Variants in FHIT observed in about 807,000 individuals in gnomAD.
FHIT encodes fragile histidine triad diadenosine triphosphatase.
In FHIT, 19 loss-of-function variants were observed where a neutral mutation model predicts 17.9. The ratio of observed to expected loss-of-function variants is 1.06; its 90% CI spans 0.74 to 1.56. The LOEUF is 1.56. Among genes scored for constraint, FHIT ranks in the 40% most tolerant of loss-of-function variants. The probability of loss-of-function intolerance (pLI) is 0.00; values close to 1 mark genes in which losing one functional copy is unlikely to be tolerated. For missense variants in FHIT, 248 were observed against 189.2 expected (o/e 1.31, Z -1.82); for synonymous variants, 81 against 69.7 (o/e 1.16, Z -0.81).
chr3:61,185,818 T>C (rs2038491231), intron 2 of FHIT, among the ~76,000 whole-genome samples: 1 of 152,218 alleles, frequency 6.6e-6, no homozygotes, highest in African/African-American at 2.4e-5. Context: ...TTCTATTTTC[T>C]TCTCTTAGCT....
At position 61,224,609 on chromosome 3, in the gene FHIT, C is replaced by T. The variant is rs149508891; in HGVS notation, c.-212-23944G>A. On this transcript the variant is annotated intron_variant, in intron 1 of 9. Coordinates refer to ENST00000492590, the MANE Select transcript of FHIT (RefSeq NM_002012.4). ...ATTTTTAATAGAGACGGGGTTTCACCATGTTGGCCAGGCTGGTCTTGTACT... is the reference window on the plus strand; with the variant it reads ...ATTTTTAATAGAGACGGGGTTTCACTATGTTGGCCAGGCTGGTCTTGTACT... Among the ~76,000 whole-genome samples the T allele has an allele frequency of 4.9e-3, 742 of 152,196 alleles. 10 individuals are homozygous for T. The highest frequency in any genetic ancestry group is 0.017 in the African/African-American group (707 of 41,522).
chr3:61,189,684 T>C (rs963062799), intron 2 of FHIT, among the ~76,000 whole-genome samples: 1 of 152,142 alleles, frequency 6.6e-6, no homozygotes, highest in Non-Finnish European at 1.5e-5. Context: ...CTTCAAACTA[T>C]ACTACAAGGC....
chr3:60,235,567 T>A (rs912602417), intron 5 of FHIT, among the ~76,000 whole-genome samples: 2 of 152,136 alleles, frequency 1.3e-5, no homozygotes, highest in Non-Finnish European at 2.9e-5. Context: ...TTCTCAGACG[T>A]TTGAGAAACT....
chr3:60,192,042 G>T (rs1038086172), intron 5 of FHIT, among the ~76,000 whole-genome samples: 1 of 152,008 alleles, frequency 6.6e-6, no homozygotes, highest in South Asian at 2.1e-4. Flanking sequence ...CTTGAGACCA[G>T]GAGTTCGAGA....
rs60361063 is a variant in FHIT at position 59,788,881 on chromosome 3, G to GTTTTTTTTTTTTTCTT, written c.349-36561_349-36560insAAGAAAAAAAAAAAAA. 4.7e-3 allele frequency among the ~76,000 whole-genome samples: 404 copies of GTTTTTTTTTTTTTCTT among 86,842 alleles called. 19 individuals carry two copies. The highest frequency in any genetic ancestry group is 0.02 in the Middle Eastern group (2 of 98). The allele number at this position is 86,842 out of a possible 152,430, so 57.0% of individuals were successfully genotyped here. A position where few individuals can be genotyped will look rare whatever the true frequency, so the allele number is the denominator to read the frequency against. On this transcript the variant is annotated intron_variant, in intron 8 of 9. Coordinates refer to ENST00000492590, the MANE Select transcript of FHIT (RefSeq NM_002012.4). ...ACCACGTTCTTTGCTGAGTTCATAT[G>GTTTTTTTTTTTTTCTT]TTTTTTTTTTTTACCCCATCTCCAA... is the stretch of plus-strand genomic sequence containing the variant.
At chr3:59,998,657 G>A (rs1010938579) in intron 7 of FHIT, among the ~76,000 whole-genome samples, 5 of 152,120 alleles carry the variant, frequency 3.3e-5, no homozygotes, top group Admixed American at 1.3e-4. Flanking sequence ...GAGCCAGCCA[G>A]TCTCAGGTAT....
chr3:60,740,768 T>C (rs906633684), intron 4 of FHIT, among the ~76,000 whole-genome samples: 18 of 152,180 alleles, frequency 1.2e-4, no homozygotes, highest in African/African-American at 4.3e-4. Context: ...AAAGCTTTTG[T>C]AAATGAGACT....
chr3:60,087,042 C>A (rs1421040183), intron 5 of FHIT, among the ~76,000 whole-genome samples: 4 of 152,202 alleles, frequency 2.6e-5, no homozygotes, highest in Non-Finnish European at 5.9e-5. Flanking sequence ...CAAGCCTCCA[C>A]CACCCTTGCA....
chr3:60,963,706 G>A (rs184190858), intron 3 of FHIT, among the ~76,000 whole-genome samples: 63 of 149,756 alleles, frequency 4.2e-4, no homozygotes, highest in African/African-American at 1.3e-3. Context: ...TCATTCAGGA[G>A]CAGGTTGTTC....
At chr3:60,363,335 A>C (rs945480966) in intron 5 of FHIT, among the ~76,000 whole-genome samples, 2 of 152,144 alleles carry the variant, frequency 1.3e-5, no homozygotes, top group African/African-American at 4.8e-5. Flanking sequence ...ATCTTTGTGA[A>C]TCTCTGTAGC....
At chr3:60,497,962 G>C (rs28594929) in intron 5 of FHIT, among the ~76,000 whole-genome samples, 21,021 of 152,066 alleles carry the variant, frequency 0.14, 1,596 homozygotes, top group Middle Eastern at 0.22. Flanking sequence ...TCTGTAAAGG[G>C]CAAGATAGTA....
intron 3 of FHIT, among the ~76,000 whole-genome samples, chr3:61,014,807 A>ATT (rs1482200671): frequency 0.014 from 695 of 49,106 alleles, 19 homozygotes; most frequent in Middle Eastern, 0.089. Flanking sequence ...AAAAAAAAAA[A>ATT]ATATATATAT....
intron 8 of FHIT, among the ~76,000 whole-genome samples, chr3:59,809,240 G>A (rs924275714): frequency 6.6e-6 from 1 of 152,130 alleles, no homozygotes; most frequent in African/African-American, 2.4e-5. Flanking sequence ...ATTAGAATGG[G>A]CCCTAAATTC....
intron 4 of FHIT, among the ~76,000 whole-genome samples, chr3:60,784,959 G>A (rs1374105540): frequency 6.6e-6 from 1 of 151,838 alleles, no homozygotes; most frequent in Non-Finnish European, 1.5e-5. Context: ...CTCCAGCATT[G>A]TGAGACAGAC....
intron 3 of FHIT, among the ~76,000 whole-genome samples, chr3:60,972,158 T>TA (rs1221661516): frequency 2.0e-5 from 3 of 152,192 alleles, no homozygotes; most frequent in African/African-American, 7.2e-5. Context: ...CATAGACACT[T>TA]ACTTATATAT....
At chr3:61,164,972 G>A (rs892878415) in intron 2 of FHIT, among the ~76,000 whole-genome samples, 5 of 152,054 alleles carry the variant, frequency 3.3e-5, no homozygotes, top group Admixed American at 1.3e-4. Context: ...ACATGCTTTT[G>A]TTCTTTTTTT....
At chr3:61,057,647 C>G (rs1288718590) in intron 2 of FHIT, among the ~76,000 whole-genome samples, 3 of 152,148 alleles carry the variant, frequency 2.0e-5, no homozygotes, top group African/African-American at 4.8e-5. Flanking sequence ...TCAGAACACC[C>G]AGGCCATTGG....
chr3:60,758,737 T>G (rs75470348), intron 4 of FHIT, among the ~76,000 whole-genome samples: 4,093 of 152,298 alleles, frequency 0.027, 94 homozygotes, highest in Middle Eastern at 0.078. Flanking sequence ...AAGGCACTAT[T>G]TTATGAACTA....
intron 5 of FHIT, among the ~76,000 whole-genome samples, chr3:60,091,601 T>TA (rs1288741974): frequency 2.0e-5 from 3 of 152,168 alleles, no homozygotes; most frequent in Admixed American, 6.5e-5. Context: ...CGTGGGATTG[T>TA]AATCCTTAAT....
Sources: allele counts gnomAD v4.1 joint callset (sites outside exome capture counted in the v4.1 genomes callset), GRCh38; gene constraint gnomAD v4.1.1; transcripts MANE v1.5; gene names NCBI Gene and HGNC (gene_info 2026-07-23, HGNC 2026-07-21).